The following DDX50 variants were observed in gnomAD, a reference collection of about 807,000 sequenced individuals.
The protein encoded by DDX50 is ATP-dependent RNA helicase DDX50.
In DDX50, 56 loss-of-function variants were observed where a neutral mutation model predicts 94.8. The observed-to-expected ratio is 0.59, with a 90% CI of 0.48 to 0.74. The LOEUF is 0.74. Among genes scored for constraint, DDX50 ranks in the 30% least tolerant of loss-of-function variants. The probability of loss-of-function intolerance (pLI) is 0.00; values close to 1 mark genes in which losing one functional copy is unlikely to be tolerated. For synonymous variants in DDX50, 264 were observed against 295.4 expected, an observed-to-expected ratio of 0.89 and a Z score of 1.09; for missense variants, 713 against 881.2, an observed-to-expected ratio of 0.81 and a Z score of 2.42.
intron 7 of DDX50, among the ~76,000 whole-genome samples, chr10:68,917,049 A>T (rs1370234518): frequency 2.0e-5 from 3 of 152,118 alleles, no homozygotes; most frequent in Non-Finnish European, 4.4e-5. Flanking sequence ...TTTTTTAAAT[A>T]GTTTGTTTGA....
rs1272488042 is a variant in DDX50, at chr10:68,926,210, A to T, written c.1239+6229A>T. 4.1e-5 allele frequency among the ~76,000 whole-genome samples: 3 copies of T among 73,846 alleles called. No individual in the cohort carries two copies. The South Asian group carries it at 1.4e-3, about 34-fold the overall frequency. The allele number at this position is 73,846 out of a possible 152,430, so 48.4% of individuals were successfully genotyped here. On this transcript the variant is annotated intron_variant, in intron 8 of 14. Coordinates refer to ENST00000373585, the MANE Select transcript of DDX50 (RefSeq NM_024045.2). ...ATAAATAAAATAAAATAAAATAAATAAAGTCCTTTATAAACAGATAGATGG... is the reference window on the plus strand; with the variant it reads ...ATAAATAAAATAAAATAAAATAAATTAAGTCCTTTATAAACAGATAGATGG...
intron 7 of DDX50, among the ~76,000 whole-genome samples, chr10:68,915,068 G>C (rs1841744439): frequency 6.7e-6 from 1 of 148,902 alleles, no homozygotes; most frequent in African/African-American, 2.5e-5. Context: ...ATCCATAAAG[G>C]AAAAGGTTTA....
chr10:68,931,617 A>G (rs2132051812), intron 8 of DDX50, among the ~76,000 whole-genome samples: 1 of 151,260 alleles, frequency 6.6e-6, no homozygotes, highest in South Asian at 2.1e-4. Flanking sequence ...CTTTTTTAGT[A>G]GAGACGGGGT....
chr10:68,913,683 A>C, intron 6 of DDX50, 107 bp downstream of exon 6: 1 of 1,038,714 alleles, frequency 9.6e-7, no homozygotes, highest in Non-Finnish European at 1.4e-6. Context: ...CGTTCTAACA[A>C]AACTAAAATA....
chr10:68,911,371 T>C (rs1296493245), intron 4 of DDX50, 125 bp downstream of exon 4: 17 of 1,054,484 alleles, frequency 1.6e-5, no homozygotes, highest in Non-Finnish European at 2.2e-5. Flanking sequence ...AAAACAAAAA[T>C]ATGTTGTTTT....
chr10:68,934,206 A>C lies in DDX50; in HGVS notation c.1247A>C (p.Gln416Pro). The C allele has an allele frequency of 6.2e-7, 1 of 1,610,494 alleles. No homozygotes were observed. The highest frequency in any genetic ancestry group is 8.5e-7 in the Non-Finnish European group (1 of 1,179,322). The change falls in exon 9 of 15, where the codon CAG becomes CCG. Residue 416 changes from glutamine to proline, a missense_variant. Around this residue, in one of 2 missense-constraint regions of DDX50, gnomAD observed 428 missense variants for 602.3 expected, o/e 0.71. Transcript: ENST00000373585. The surrounding 1 kb of genome is among the most constrained non-coding windows in gnomAD (Gnocchi z 4.0). ...AMNPHIKQNA[Q>P]CLHGDIAQSQ... ...TCCCCCTTTCTCAAATAGAATGCCC[A>C]GTGTTTACATGGGGACATTGCACAG...
rs1841699316 is a variant in DDX50 at position 68,913,592 on chromosome 10, A to G, written c.943+16A>G. On this transcript the variant is annotated intron_variant, in intron 6 of 14. Transcript: ENST00000373585. ...TACAAAACTGGTATATCCTAATTCAAAATAAGCACATTAGCAATTATTGTT... is the reference window on the plus strand; with the variant it reads ...TACAAAACTGGTATATCCTAATTCAGAATAAGCACATTAGCAATTATTGTT... 1 of 1,589,634 alleles carries G rather than the reference A, an allele frequency of 6.3e-7. No individual in the cohort carries two copies. Among genetic ancestry groups the G allele is most frequent in the Non-Finnish European group, 8.6e-7 (1 of 1,168,646 alleles).
At chr10:68,901,892 C>T (rs1360792391) in intron 1 of DDX50, among the ~76,000 whole-genome samples, 1 of 152,144 alleles carries the variant, frequency 6.6e-6, no homozygotes, top group African/African-American at 2.4e-5. Flanking sequence ...GTGCAAGAAT[C>T]CTGGGGAAAG....
chr10:68,916,027 A>G (rs1360892236), intron 7 of DDX50, among the ~76,000 whole-genome samples: 1 of 152,164 alleles, frequency 6.6e-6, no homozygotes, highest in Non-Finnish European at 1.5e-5. Context: ...TCAGATAATG[A>G]TTACTTCTGG....
chr10:68,901,552 C>T (rs1841287871), intron 1 of DDX50, 81 bp downstream of exon 1: 3 of 1,411,282 alleles, frequency 2.1e-6, no homozygotes, highest in East Asian at 2.6e-5. Context: ...CTGATGATGG[C>T]CTGTCAGAAC....
At chr10:68,943,907 A>G (rs545638014) in intron 14 of DDX50, among the ~76,000 whole-genome samples, 8 of 152,300 alleles carry the variant, frequency 5.3e-5, no homozygotes, top group Admixed American at 3.9e-4. Flanking sequence ...CATTTCAAAC[A>G]TATTTTTTAG....
intron 7 of DDX50, among the ~76,000 whole-genome samples, chr10:68,915,684 C>G (rs1394843811): frequency 1.3e-5 from 2 of 150,646 alleles, no homozygotes; most frequent in Non-Finnish European, 3.0e-5. Context: ...CCACTGCACT[C>G]CAGTCTGGAG....
chr10:68,926,996 T>C (rs1353730610), intron 8 of DDX50, among the ~76,000 whole-genome samples: 1 of 152,116 alleles, frequency 6.6e-6, no homozygotes, highest in African/African-American at 2.4e-5. Context: ...CACTGCAGCC[T>C]CAGTCTCCCA....
chr10:68,939,506 T>C (rs1842505688), intron 12 of DDX50, among the ~76,000 whole-genome samples: 1 of 152,184 alleles, frequency 6.6e-6, no homozygotes, highest in South Asian at 2.1e-4. Flanking sequence ...CTTTTCCTCT[T>C]GCTATCTTCT....
In DDX50 at chr10:68,907,008, G is replaced by A; in HGVS notation, c.384+1G>A. On this transcript the variant is annotated splice_donor_variant, in intron 2 of 14. Transcript: ENST00000373585. LOFTEE classifies it high-confidence loss of function. ...ATCAAGTGATAATAAACTAGAGGAG[G>A]TATGGAAGCTTTTTATTTTGCATTT... 1 of 1,571,080 alleles carries A rather than the reference G, an allele frequency of 6.4e-7. No homozygotes were observed. Among genetic ancestry groups the A allele is most frequent in the Non-Finnish European group, 8.6e-7 (1 of 1,168,794 alleles).
At position 68,937,063 on chromosome 10, in the gene DDX50, T is replaced by G. The variant is rs1278397117; in HGVS notation, c.1723T>G (p.Phe575Val). The G allele has an allele frequency of 6.2e-7, 1 of 1,613,182 alleles. No homozygotes were observed. The highest frequency in any genetic ancestry group is 1.7e-5 in the Admixed American group (1 of 59,988). The change falls in exon 12 of 15, where the codon TTT becomes GTT. Residue 575 changes from phenylalanine to valine, a missense_variant. By Grantham distance (50) the Phe-to-Val change is conservative. Around this residue, in one of 2 missense-constraint regions of DDX50, gnomAD observed 428 missense variants for 602.3 expected, o/e 0.71. Transcript: ENST00000373585. Reference sequence around the variant, plus strand: ...AGCCCACATTTCTGGTGCATCAAGCTTTGAACCACGATCTTTGATCACCTC... The same window carrying G: ...AGCCCACATTTCTGGTGCATCAAGCGTTGAACCACGATCTTTGATCACCTC... ...ALAHISGASS[F>V]EPRSLITSDK... is the part of the protein sequence containing the mutation.
At chr10:68,937,730 C>T (rs748096670) in intron 12 of DDX50, among the ~76,000 whole-genome samples, 8 of 151,838 alleles carry the variant, frequency 5.3e-5, no homozygotes, top group African/African-American at 9.7e-5. Context: ...GGACTACAGG[C>T]GCACGCCACC....
intron 7 of DDX50, among the ~76,000 whole-genome samples, chr10:68,918,875 C>T (rs1221738517): frequency 1.3e-5 from 2 of 152,158 alleles, no homozygotes; most frequent in African/African-American, 4.8e-5. Flanking sequence ...GGCATATGCT[C>T]GATGGTGGTC....
At chr10:68,920,947 CAAAAA>C (rs11367137) in intron 8 of DDX50, among the ~76,000 whole-genome samples, 1 of 86,130 alleles carries the variant, frequency 1.2e-5, no homozygotes, top group Non-Finnish European at 2.4e-5. Flanking sequence ...GACTCCATCT[CAAAAA>C]AAAAAAAAAA....
Sources: allele counts gnomAD v4.1 joint callset (sites outside exome capture counted in the v4.1 genomes callset), GRCh38; gene constraint gnomAD v4.1.1; regional missense constraint gnomAD v4.1.1; non-coding constraint Gnocchi (gnomAD v3.1); transcripts MANE v1.5; gene names NCBI Gene and HGNC (gene_info 2026-07-23, HGNC 2026-07-21).